RPGRIP1L: variants seen among roughly 807,000 people sequenced by gnomAD.
RPGRIP1L encodes protein fantom.
RPGRIP1L carries 131 observed loss-of-function variants against 160.4 expected under a neutral mutation model. The ratio of observed to expected loss-of-function variants is 0.82; its 90% CI spans 0.71 to 0.94. The LOEUF (loss-of-function observed/expected upper bound fraction) is 0.94. RPGRIP1L is among the 40% of genes least tolerant of loss of function. The pLI is 0.00. For synonymous variants in RPGRIP1L, 510 were observed against 515.8 expected, an observed-to-expected ratio of 0.99 and a Z score of 0.15; for missense variants, 1,522 against 1,535.8, an observed-to-expected ratio of 0.99 and a Z score of 0.15.
At chr16:53,624,911 G>A (rs1000362900) in intron 22 of RPGRIP1L, among the ~76,000 whole-genome samples, 4 of 152,006 alleles carry the variant, frequency 2.6e-5, no homozygotes, top group Admixed American at 6.5e-5. Flanking sequence ...GATTGCAGGC[G>A]TGCGCCACCA....
chr16:53,625,400 C>A (rs1965042479), intron 22 of RPGRIP1L, among the ~76,000 whole-genome samples: 1 of 148,512 alleles, frequency 6.7e-6, no homozygotes, highest in Admixed American at 6.7e-5. Context: ...GGGGGGGCGC[C>A]TCAGCCTGGC....
At chr16:53,690,504 CTTA>C (rs1377293893) in intron 4 of RPGRIP1L, among the ~76,000 whole-genome samples, 1 of 152,092 alleles carries the variant, frequency 6.6e-6, no homozygotes, top group African/African-American at 2.4e-5. Context: ...CCTAGACTCA[CTTA>C]TTTTTAGAGA....
chr16:53,696,340 G>A (rs778180196), intron 2 of RPGRIP1L, 45 bp from the exon 3 acceptor site: 6 of 1,597,534 alleles, frequency 3.8e-6, no homozygotes, highest in Non-Finnish European at 5.1e-6. Context: ...ACTTAAAATA[G>A]TCTCTAGAAA....
At position 53,656,497 on chromosome 16, in the gene RPGRIP1L, C is replaced by T. The variant is rs1201714790; in HGVS notation, c.1674G>A (p.Arg558=). 2 of 1,613,032 alleles carry T rather than the reference C, an allele frequency of 1.2e-6. No individual in the cohort carries two copies. Among genetic ancestry groups the T allele is most frequent in the Non-Finnish European group, 1.7e-6 (2 of 1,179,084 alleles). Residue 558 remains arginine (R), a synonymous_variant, in exon 14 of 27, where the codon AGG becomes AGA. Transcript: ENST00000647211. ...VEQYVHLLDI[R]AARIHKLEAQ... is the part of the protein sequence containing the mutation. Reference sequence around the variant, plus strand: ...CTTCTAGTTTATGGATACGTGCAGCCCTGATATCAAGAAGATGAACATACT... The same window carrying T: ...CTTCTAGTTTATGGATACGTGCAGCTCTGATATCAAGAAGATGAACATACT...
At chr16:53,660,639 T>G (rs1205792770) in intron 10 of RPGRIP1L, among the ~76,000 whole-genome samples, 1 of 151,956 alleles carries the variant, frequency 6.6e-6, no homozygotes, top group Non-Finnish European at 1.5e-5. Flanking sequence ...CTCATGCCTG[T>G]AATCCCAGCA....
In RPGRIP1L at chr16:53,686,041, T is replaced by C. The variant is rs188801770; in HGVS notation, c.776+392A>G. Among the ~76,000 whole-genome samples, 31 of 152,318 alleles carry C rather than the reference T, an allele frequency of 2.0e-4. No homozygotes were observed. In the East Asian group the frequency reaches 5.6e-3, roughly 28 times the overall value. On this transcript the variant is annotated intron_variant, in intron 6 of 26. Transcript: ENST00000647211. ...TGGTACCATATTATGGAATTTACTA[T>C]CTTTTAAGGTTGAAAAAAGTAATGC... is the stretch of plus-strand genomic sequence containing the variant.
intron 9 of RPGRIP1L, among the ~76,000 whole-genome samples, chr16:53,666,930 C>A (rs1968317162): frequency 1.3e-5 from 2 of 152,146 alleles, no homozygotes; most frequent in Admixed American, 1.3e-4. Flanking sequence ...GGATTACATT[C>A]CACTGGAGTT....
intron 24 of RPGRIP1L, among the ~76,000 whole-genome samples, chr16:53,612,708 T>C (rs1964132750): frequency 6.6e-6 from 1 of 152,138 alleles, no homozygotes; most frequent in Admixed American, 6.6e-5. Context: ...TAAATTTCAA[T>C]AGCTTAAATC....
chr16:53,599,470 A>C lies in RPGRIP1L; in HGVS notation c.*2606T>G, dbSNP rs989130643. The C allele has an allele frequency of 6.6e-6, 1 of 152,236 alleles. No individual in the cohort carries two copies. The allele number at this position is 152,236 out of a possible 1,614,324, so 9.4% of individuals were successfully genotyped here. ...TTTCTACTACAGTAGGCAAAAATAC[A>C]TGTAAAATACACTCTCCCACATACC... On this transcript the variant is annotated 3_prime_UTR_variant, in exon 27 of 27. Transcript: ENST00000647211.
At chr16:53,648,868 T>G in intron 16 of RPGRIP1L, 96 bp downstream of exon 16, 1 of 1,120,092 alleles carries the variant, frequency 8.9e-7, no homozygotes, top group Non-Finnish European at 1.3e-6. Flanking sequence ...AGACACTTGA[T>G]GGCTGTGAAA....
intron 25 of RPGRIP1L, among the ~76,000 whole-genome samples, chr16:53,608,753 A>G (rs983466871): frequency 6.6e-6 from 1 of 152,222 alleles, no homozygotes; most frequent in African/African-American, 2.4e-5. Context: ...GAGCTACTTT[A>G]AATAATGTGA....
intron 6 of RPGRIP1L, among the ~76,000 whole-genome samples, chr16:53,676,947 C>T (rs1038238511): frequency 4.6e-5 from 7 of 151,992 alleles, no homozygotes; most frequent in African/African-American, 1.4e-4. Flanking sequence ...TATGTTGATA[C>T]TTTTAAGAAA....
At chr16:53,608,374 T>C (rs1166015183) in intron 25 of RPGRIP1L, among the ~76,000 whole-genome samples, 1 of 152,246 alleles carries the variant, frequency 6.6e-6, no homozygotes, top group Non-Finnish European at 1.5e-5. Context: ...TCTTTGTAGA[T>C]GTAATTCATT....
At position 53,702,642 on chromosome 16, in the gene RPGRIP1L, G is replaced by C. The variant is rs148677977; in HGVS notation, c.-8+1161C>G. 1.9e-3 allele frequency among the ~76,000 whole-genome samples: 291 copies of C among 151,892 alleles called. 2 individuals are homozygous for C. Among genetic ancestry groups the C allele is most frequent in the African/African-American group, 6.6e-3 (275 of 41,434 alleles). ...GGTTTTCCCTGACCATCCTATGTTA[G>C]AGTAGTCTTCCTTACATTTCTTCAC... On this transcript the variant is annotated intron_variant, in intron 1 of 26. Coordinates refer to ENST00000647211, the MANE Select transcript of RPGRIP1L (RefSeq NM_015272.5).
chr16:53,657,819 T>G (rs932590812), intron 12 of RPGRIP1L, among the ~76,000 whole-genome samples, 187 bp from the exon 13 acceptor site: 1 of 151,994 alleles, frequency 6.6e-6, no homozygotes, highest in Admixed American at 6.6e-5. Flanking sequence ...AAAAATGAAA[T>G]TTACCTGTTA....
At chr16:53,615,539 T>A (rs1964322730) in intron 24 of RPGRIP1L, among the ~76,000 whole-genome samples, 1 of 145,400 alleles carries the variant, frequency 6.9e-6, no homozygotes, top group African/African-American at 2.6e-5. Context: ...AGTGGCGCGA[T>A]CTTGGCTCGC....
At chr16:53,661,033 C>T (rs1385072706) in intron 10 of RPGRIP1L, among the ~76,000 whole-genome samples, 5 of 149,058 alleles carry the variant, frequency 3.4e-5, no homozygotes, top group African/African-American at 1.2e-4. Flanking sequence ...CGATGGCTCA[C>T]GCCTGTAATC....
At chr16:53,638,223 A>G in intron 20 of RPGRIP1L, 87 bp downstream of exon 20, 1 of 828,224 alleles carries the variant, frequency 1.2e-6, no homozygotes, top group South Asian at 1.4e-5. Context: ...AAATGCTATG[A>G]CTTCCTGAGT....
intron 19 of RPGRIP1L, among the ~76,000 whole-genome samples, chr16:53,640,259 T>A (rs1966120484): frequency 6.6e-6 from 1 of 152,198 alleles, no homozygotes; most frequent in Non-Finnish European, 1.5e-5. Context: ...GTTGGTATAA[T>A]CAGGAGTTTG....
Sources: allele counts gnomAD v4.1 joint callset (sites outside exome capture counted in the v4.1 genomes callset), GRCh38; gene constraint gnomAD v4.1.1; transcripts MANE v1.5; gene names NCBI Gene and HGNC (gene_info 2026-07-23, HGNC 2026-07-21).